Variants in SORCS1 observed in about 807,000 individuals in gnomAD.
SORCS1 encodes sortilin related VPS10 domain containing receptor 1, also known as VPS10 domain-containing receptor SorCS1.
SORCS1 carries 60 observed loss-of-function variants against 146.1 expected under a neutral mutation model. That is an observed-to-expected ratio of 0.41 (90% CI 0.33 to 0.51). SORCS1 has a LOEUF of 0.51. Ranked by LOEUF, SORCS1 falls within the 20% of genes least tolerant of loss-of-function variation. The pLI, the probability that SORCS1 is intolerant of heterozygous loss-of-function variation, is 0.21. For missense variants in SORCS1, 1,352 were observed against 1,487.6 expected (o/e 0.91, Z 1.50); for synonymous variants, 637 against 584.0 (o/e 1.09, Z -1.31).
intron 1 of SORCS1, among the ~76,000 whole-genome samples, chr10:107,148,020 C>T (rs1032154955): frequency 1.3e-5 from 2 of 152,164 alleles, no homozygotes; most frequent in Non-Finnish European, 2.9e-5. Flanking sequence ...ACAGACATGG[C>T]AGATTGAGTT....
At chr10:106,780,313 G>T (rs1279985387) in intron 3 of SORCS1, among the ~76,000 whole-genome samples, 1 of 152,170 alleles carries the variant, frequency 6.6e-6, no homozygotes. Flanking sequence ...TGCTAGTTTA[G>T]AATGACTCTT....
At position 106,652,491 on chromosome 10, in the gene SORCS1, G is replaced by A. The variant is rs61734226; in HGVS notation, c.2366C>T (p.Pro789Leu). 5 of 1,613,966 alleles carry A rather than the reference G, an allele frequency of 3.1e-6. No homozygotes were observed. Among genetic ancestry groups the A allele is most frequent in the Admixed American group, 1.7e-5 (1 of 59,992 alleles). Residue 789 changes from proline (P) to leucine (L), a missense_variant, in exon 18 of 26, where the codon CCG becomes CTG. Pro to Leu is a moderately conservative substitution (Grantham distance 98). Around this residue, in one of 3 missense-constraint regions of SORCS1, gnomAD observed 648 missense variants for 793.8 expected, o/e 0.82. Transcript: ENST00000263054. Reference protein sequence around the residue: ...DGVREQYTAKPQKCPGKAPRG... With the variant: ...DGVREQYTAKLQKCPGKAPRG... ...CGGGGCTTTCCCTGGGCACTTCTGC[G>A]GTTTGGCAGTGTACTGTTCCCTTAC...
At chr10:106,881,771 C>T (rs1950811250) in intron 2 of SORCS1, among the ~76,000 whole-genome samples, 1 of 152,132 alleles carries the variant, frequency 6.6e-6, no homozygotes, top group African/African-American at 2.4e-5. Context: ...GATTTCTTAC[C>T]CGATATCCTA....
chr10:106,607,139 A>G (rs745654935), intron 23 of SORCS1, 27 bp downstream of exon 23: 1 of 1,611,812 alleles, frequency 6.2e-7, no homozygotes, highest in Admixed American at 1.7e-5. Context: ...TTGAAGCTGA[A>G]AACGTCTCCT....
intron 2 of SORCS1, among the ~76,000 whole-genome samples, chr10:106,853,410 T>C (rs11593546): frequency 9.3e-4 from 139 of 148,896 alleles, no homozygotes; most frequent in African/African-American, 2.8e-3. Context: ...TTTTTTTTTT[T>C]CCAAAAAAAC....
intron 3 of SORCS1, among the ~76,000 whole-genome samples, chr10:106,810,378 T>G (rs1947396878): frequency 6.6e-6 from 1 of 152,236 alleles, no homozygotes; most frequent in Non-Finnish European, 1.5e-5. Flanking sequence ...AATTTGTTTT[T>G]TAAAAAAATA....
In SORCS1 at chr10:107,044,130, T is replaced by C. The variant is rs1443391490; in HGVS notation, c.559-87550A>G. On this transcript the variant is annotated intron_variant, in intron 1 of 25. Transcript: ENST00000263054. Reference sequence around the variant, plus strand: ...AAAGCCTGTGATGGAGAACCATGTATAATGAAATCAGGAGATCTTTCTTTT... The same window carrying C: ...AAAGCCTGTGATGGAGAACCATGTACAATGAAATCAGGAGATCTTTCTTTT... Among the ~76,000 whole-genome samples the C allele has an allele frequency of 1.3e-5, 2 of 152,176 alleles. 1 individual carries two copies. Among genetic ancestry groups the C allele is most frequent in the East Asian group, 3.9e-4 (2 of 5,188 alleles).
intron 1 of SORCS1, among the ~76,000 whole-genome samples, chr10:107,001,297 T>A (rs1957207200): frequency 6.6e-6 from 1 of 152,114 alleles, no homozygotes; most frequent in South Asian, 2.1e-4. Flanking sequence ...CATTACCTCT[T>A]TAGGCAGTGG....
chr10:106,821,487 T>C (rs1948021136), intron 3 of SORCS1, among the ~76,000 whole-genome samples: 1 of 152,238 alleles, frequency 6.6e-6, no homozygotes, highest in Non-Finnish European at 1.5e-5. Context: ...ATCATACAGA[T>C]ATAACTTAGT....
chr10:106,772,867 G>A (rs905375312), intron 4 of SORCS1, among the ~76,000 whole-genome samples: 2 of 152,056 alleles, frequency 1.3e-5, no homozygotes, highest in African/African-American at 2.4e-5. Flanking sequence ...GCTCATATAC[G>A]GTCTATCCTG....
chr10:106,979,355 C>G (rs1039575500), intron 1 of SORCS1, among the ~76,000 whole-genome samples: 2 of 152,024 alleles, frequency 1.3e-5, no homozygotes, highest in Non-Finnish European at 2.9e-5. Flanking sequence ...TCACAGAATT[C>G]TAGAGAATTC....
Position 106,577,475 on chromosome 10 carries a change from GCGTGT to G in SORCS1, c.3447_3451del (p.Arg1149SerfsTer69). 1 of 1,614,004 alleles carries G rather than the reference GCGTGT, an allele frequency of 6.2e-7. No homozygotes were observed. The highest frequency in any genetic ancestry group is 8.5e-7 in the Non-Finnish European group (1 of 1,179,940). On this transcript the variant is annotated frameshift_variant, in exon 26 of 26. Transcript: ENST00000263054. ...CCGCTTTGGCGTTGAAGGCGGAGTG[GCGTGT>G]CTTGCTCTTTGCAATCGGAGAGATG...
chr10:107,081,168 C>T (rs1451378464), intron 1 of SORCS1, among the ~76,000 whole-genome samples: 1 of 152,152 alleles, frequency 6.6e-6, no homozygotes, highest in Non-Finnish European at 1.5e-5. Context: ...TAATCTTTCC[C>T]TACCTATACT....
At chr10:107,161,605 G>A (rs931847649) in intron 1 of SORCS1, among the ~76,000 whole-genome samples, 3 of 151,926 alleles carry the variant, frequency 2.0e-5, no homozygotes, top group African/African-American at 4.8e-5. Flanking sequence ...CACATTCAGC[G>A]GACACTCAAC....
At chr10:106,755,343 T>C (rs1224927472) in intron 5 of SORCS1, among the ~76,000 whole-genome samples, 3 of 152,246 alleles carry the variant, frequency 2.0e-5, no homozygotes, top group African/African-American at 4.8e-5. Flanking sequence ...TTATGTGTTA[T>C]GTTGGATAAA....
chr10:107,074,616 A>C (rs1962727770), intron 1 of SORCS1, among the ~76,000 whole-genome samples: 1 of 152,188 alleles, frequency 6.6e-6, no homozygotes, highest in Admixed American at 6.6e-5. Context: ...GTGAGAAACC[A>C]CCAAACTGTT....
chr10:106,983,963 ATAAT>A (rs1175417227), intron 1 of SORCS1, among the ~76,000 whole-genome samples: 2 of 152,248 alleles, frequency 1.3e-5, no homozygotes, highest in Non-Finnish European at 2.9e-5. Flanking sequence ...AAGTAGGGTG[ATAAT>A]TAATAAGAAA....
At chr10:107,153,947 T>C (rs890118029) in intron 1 of SORCS1, among the ~76,000 whole-genome samples, 1 of 151,836 alleles carries the variant, frequency 6.6e-6, no homozygotes, top group African/African-American at 2.4e-5. Context: ...TTTTACAGTA[T>C]ATAATAATTG....
Position 106,884,668 on chromosome 10 carries a change from C to T in SORCS1, c.627-54995G>A, listed in dbSNP as rs562219363. 7.9e-5 allele frequency among the ~76,000 whole-genome samples: 12 copies of T among 152,232 alleles called. No homozygotes were observed. In the South Asian group the frequency reaches 8.3e-4, roughly 11 times the overall value. ...TAAATTCTCCTCCACTTGTCTGCTG[C>T]GTGAACACTTTCAATGCTGAATATC... On this transcript the variant is annotated intron_variant, in intron 2 of 25. Transcript: ENST00000263054.
Sources: gnomAD v4.1 joint callset for allele counts (sites outside exome capture counted in the v4.1 genomes callset) on GRCh38, gnomAD v4.1.1 for gene constraint, gnomAD v4.1.1 regional missense constraint, MANE v1.5 for transcripts, NCBI Gene and HGNC (gene_info 2026-07-23, HGNC 2026-07-21) for gene names.